Variants in AASS observed in about 807,000 individuals in gnomAD.
AASS encodes the protein alpha-aminoadipic semialdehyde synthase, mitochondrial.
AASS carries 86 observed loss-of-function variants against 105.4 expected under a neutral mutation model. The ratio of observed to expected loss-of-function variants is 0.82; its 90% CI spans 0.69 to 0.98. The LOEUF (loss-of-function observed/expected upper bound fraction) is 0.98. AASS is among the 50% of genes least tolerant of loss of function. The pLI is 0.00. For synonymous variants in AASS, 381 were observed against 394.8 expected, an observed-to-expected ratio of 0.96 and a Z score of 0.41; for missense variants, 1,048 against 1,143.2, an observed-to-expected ratio of 0.92 and a Z score of 1.20.
rs1795298991 is a variant in AASS, at chr7:122,118,592, G to A, written c.511C>T (p.Leu171Phe). Reference protein sequence around the residue: ...NILHGMGLRLLALGHHTPFMH... With the variant: ...NILHGMGLRLFALGHHTPFMH... Reference sequence around the variant, plus strand: ...AAAGGTGTGTGATGTCCCAAAGCAAGGAGCCTTAAACCCATTCCATGTAAA... The same window carrying A: ...AAAGGTGTGTGATGTCCCAAAGCAAAGAGCCTTAAACCCATTCCATGTAAA... Residue 171 changes from leucine (L) to phenylalanine (F), a missense_variant, in exon 5 of 24, where the codon CTT (leucine) becomes TTT (phenylalanine). Coordinates refer to ENST00000417368, the MANE Select transcript of AASS (RefSeq NM_005763.4). The A allele has an allele frequency of 6.2e-7, 1 of 1,613,994 alleles. No individual in the cohort carries two copies. The highest frequency in any genetic ancestry group is 1.7e-5 in the Admixed American group (1 of 59,996).
At chr7:122,105,370 C>T (rs567691877) in intron 11 of AASS, among the ~76,000 whole-genome samples, 5 of 151,998 alleles carry the variant, frequency 3.3e-5, no homozygotes, top group Non-Finnish European at 5.9e-5. Context: ...GTGCTTTAGA[C>T]AAAATGGACC....
At chr7:122,100,192 CA>C (rs1794360480) in intron 13 of AASS, among the ~76,000 whole-genome samples, 1 of 151,834 alleles carries the variant, frequency 6.6e-6, no homozygotes, top group African/African-American at 2.4e-5. Flanking sequence ...CAAGTTCTAG[CA>C]ATCGGAGCCA....
chr7:122,140,839 A>G (rs1435838248), intron 1 of AASS, among the ~76,000 whole-genome samples: 1 of 151,966 alleles, frequency 6.6e-6, no homozygotes, highest in Non-Finnish European at 1.5e-5. Context: ...TTCAAGGATG[A>G]ACAGCGCTAA....
intron 1 of AASS, among the ~76,000 whole-genome samples, chr7:122,140,016 C>A (rs77708651): frequency 6.6e-6 from 1 of 151,936 alleles, no homozygotes; most frequent in East Asian, 1.9e-4. Context: ...TATAAGGGAA[C>A]GGGGTAGATG....
rs2150522114 is a variant in AASS, at chr7:122,098,867, C to G, written c.1407-1G>C. ...CATTGAAAGTGACTGAGCACGTTCC[C>G]TATTTAAAAAAAAAAAAAAAAAAAA... On this transcript the variant is annotated splice_acceptor_variant, in intron 13 of 23. Transcript: ENST00000417368. LOFTEE classifies it high-confidence loss of function. 1 of 1,372,152 alleles carries G rather than the reference C, an allele frequency of 7.3e-7. No individual in the cohort carries two copies. The highest frequency in any genetic ancestry group is 2.6e-5 in the East Asian group (1 of 37,866). 85.0% of individuals were successfully genotyped at this position (1,372,152 alleles called of 1,614,324 possible).
At chr7:122,077,282 G>T (rs536566746) in intron 23 of AASS, among the ~76,000 whole-genome samples, 1 of 152,110 alleles carries the variant, frequency 6.6e-6, no homozygotes, top group South Asian at 2.1e-4. Context: ...GGAGAGTGGA[G>T]GAATGAAATT....
At chr7:122,090,631 G>A (rs976737482) in intron 18 of AASS, among the ~76,000 whole-genome samples, 3 of 152,042 alleles carry the variant, frequency 2.0e-5, no homozygotes, top group African/African-American at 4.8e-5. Context: ...TCCCTGCAGG[G>A]CCAGGACTAG....
chr7:122,116,713 C>T lies in AASS; in HGVS notation c.814G>A (p.Val272Ile), dbSNP rs1040791296. The T allele has an allele frequency of 6.2e-7, 1 of 1,613,950 alleles. No individual in the cohort carries two copies. The highest frequency in any genetic ancestry group is 8.5e-7 in the Non-Finnish European group (1 of 1,179,996). Reference sequence around the variant, plus strand: ...TCATACACAGCATCTGTTTTCCTGACAAGATGATGATGACGACTTAACACC... The same window carrying T: ...TCATACACAGCATCTGTTTTCCTGATAAGATGATGATGACGACTTAACACC... ...GTVLSRHHHL[V>I]RKTDAVYDPA... Residue 272 changes from valine to isoleucine, a missense_variant, in exon 8 of 24, where the codon GTC becomes ATC. Physicochemically the swap from Val to Ile is conservative, Grantham distance 29. Coordinates refer to ENST00000417368, the MANE Select transcript of AASS (RefSeq NM_005763.4).
chr7:122,106,812 G>C (rs913894373), intron 11 of AASS, among the ~76,000 whole-genome samples: 2 of 152,076 alleles, frequency 1.3e-5, no homozygotes, highest in African/African-American at 4.8e-5. Flanking sequence ...AAAAACCCTG[G>C]AAGATGATCT....
intron 15 of AASS, among the ~76,000 whole-genome samples, chr7:122,095,366 G>A (rs1400156446): frequency 1.3e-5 from 2 of 152,072 alleles, no homozygotes; most frequent in Non-Finnish European, 2.9e-5. Context: ...TCATAAATAT[G>A]AGTGTTATAA....
At chr7:122,096,953 G>C (rs753489445) in intron 15 of AASS, among the ~76,000 whole-genome samples, 1 of 151,992 alleles carries the variant, frequency 6.6e-6, no homozygotes, top group African/African-American at 2.4e-5. Flanking sequence ...TACTCAGAAG[G>C]CTAGATCATT....
chr7:122,115,484 G>A (rs953912014), intron 8 of AASS, among the ~76,000 whole-genome samples: 10 of 151,990 alleles, frequency 6.6e-5, no homozygotes, highest in Non-Finnish European at 1.3e-4. Context: ...ATTGCATGCC[G>A]AAGAAAAATG....
At chr7:122,093,678 C>T (rs558667781) in intron 15 of AASS, among the ~76,000 whole-genome samples, 3 of 152,076 alleles carry the variant, frequency 2.0e-5, no homozygotes, top group South Asian at 2.1e-4. Context: ...AGCATGTTGG[C>T]GCATGCCTGT....
chr7:122,089,253 A>G (rs1467778839), intron 18 of AASS, among the ~76,000 whole-genome samples: 1 of 152,176 alleles, frequency 6.6e-6, no homozygotes, highest in Non-Finnish European at 1.5e-5. Context: ...TGCAGCACCT[A>G]GAAAATTCTT....
intron 8 of AASS, 136 bp downstream of exon 8, chr7:122,116,497 G>A: frequency 9.0e-7 from 1 of 1,110,530 alleles, no homozygotes; most frequent in Non-Finnish European, 1.3e-6. Context: ...AGCTCCAAAG[G>A]CCAAATCATG....
intron 1 of AASS, among the ~76,000 whole-genome samples, chr7:122,137,722 G>A (rs1239257176): frequency 6.6e-6 from 1 of 152,190 alleles, no homozygotes; most frequent in Admixed American, 6.5e-5. Flanking sequence ...CAGGTGTCTA[G>A]TATTTCATGG....
At chr7:122,110,554 T>A (rs1794886859) in intron 11 of AASS, among the ~76,000 whole-genome samples, 1 of 151,878 alleles carries the variant, frequency 6.6e-6, no homozygotes, top group East Asian at 1.9e-4. Context: ...TTGTATCAAG[T>A]AGAACTAACA....
intron 8 of AASS, among the ~76,000 whole-genome samples, chr7:122,116,353 G>A (rs904433993): frequency 6.6e-6 from 1 of 152,130 alleles, no homozygotes; most frequent in Non-Finnish European, 1.5e-5. Flanking sequence ...AAACAGTAAC[G>A]CACAGGAAAT....
At position 122,116,697 on chromosome 7, in the gene AASS, G is replaced by T. The variant is rs370653940; in HGVS notation, c.830C>A (p.Ala277Asp). The change falls in exon 8 of 24, where the codon GCT becomes GAT. Residue 277 changes from alanine to aspartate, a missense_variant. Ala to Asp is a moderately radical substitution (Grantham distance 126, BLOSUM62 -2). Transcript: ENST00000417368. ...GTCATACTCTGCAGGATCATACACA[G>T]CATCTGTTTTCCTGACAAGATGATG... ...RHHHLVRKTDAVYDPAEYDKH... is the reference protein window; with the variant it reads ...RHHHLVRKTDDVYDPAEYDKH... The T allele has an allele frequency of 1.9e-5, 30 of 1,614,056 alleles. No homozygotes were observed. Among genetic ancestry groups the T allele is most frequent in the Non-Finnish European group, 2.5e-5 (30 of 1,179,978 alleles).
Sources: gnomAD v4.1 joint callset for allele counts (sites outside exome capture counted in the v4.1 genomes callset) on GRCh38, gnomAD v4.1.1 for gene constraint, MANE v1.5 for transcripts, NCBI Gene and HGNC (gene_info 2026-07-23, HGNC 2026-07-21) for gene names.